The following CENPE variants were observed in gnomAD, a reference collection of about 807,000 sequenced individuals.
The protein encoded by CENPE is centromere-associated protein E.
In CENPE, 145 loss-of-function variants were observed where a neutral mutation model predicts 336.1. That is an observed-to-expected ratio of 0.43 (90% CI 0.38 to 0.50). CENPE has a LOEUF of 0.50. Ranked by LOEUF, CENPE falls within the 20% of genes least tolerant of loss-of-function variation. The pLI is 0.00. For missense variants in CENPE, 2,719 were observed against 3,023.3 expected, an observed-to-expected ratio of 0.90 and a Z score of 2.36; for synonymous variants, 1,013 against 984.8, an observed-to-expected ratio of 1.03 and a Z score of -0.54.
intron 24 of CENPE, among the ~76,000 whole-genome samples, chr4:103,154,065 A>G (rs970199854): frequency 6.6e-6 from 1 of 152,148 alleles, no homozygotes; most frequent in African/African-American, 2.4e-5. Context: ...TGAAATTACT[A>G]TTGCTGGTAC....
intron 39 of CENPE, among the ~76,000 whole-genome samples, chr4:103,138,048 C>G (rs528743638): frequency 6.6e-6 from 1 of 152,302 alleles, no homozygotes; most frequent in Admixed American, 6.5e-5. Flanking sequence ...ACTTTGTACT[C>G]GCTGTTCCCT....
At chr4:103,185,304 T>C (rs1381423158) in intron 9 of CENPE, among the ~76,000 whole-genome samples, 4 of 142,010 alleles carry the variant, frequency 2.8e-5, no homozygotes, top group Non-Finnish European at 6.1e-5. Flanking sequence ...GAGTCTGCCT[T>C]AGAAAAAAAA....
rs1407167443 is a variant in CENPE, at chr4:103,158,765, C to T, written c.2723G>A (p.Arg908Lys). The change falls in exon 23 of 49, where the codon AGG becomes AAG. Residue 908 changes from arginine to lysine, a missense_variant. Arg to Lys is a conservative substitution (Grantham distance 26). Coordinates refer to ENST00000265148, the MANE Select transcript of CENPE (RefSeq NM_001813.3). Reference protein sequence around the residue: ...NRDSTLQTVEREKTLITEKLQ... With the variant: ...NRDSTLQTVEKEKTLITEKLQ... The stretch of plus-strand genomic sequence containing the variant: ...TTTCTCAGTAATCAGTGTTTTCTCC[C>T]TTTCTACAGTTTGCAGCGTAGAATC... The T allele has an allele frequency of 6.2e-7, 1 of 1,613,086 alleles. No homozygotes were observed. Among genetic ancestry groups the T allele is most frequent in the Non-Finnish European group, 8.5e-7 (1 of 1,179,498 alleles).
rs746793219 is a variant in CENPE, at chr4:103,133,816, T to C, written c.6599A>G (p.Asp2200Gly). The change falls in exon 41 of 49, where the codon GAT becomes GGT. Residue 2200 changes from aspartate (D) to glycine (G), a missense_variant. By Grantham distance (94) the Asp-to-Gly change is moderately conservative. Around this residue, in one of 5 missense-constraint regions of CENPE, gnomAD observed 2,437 missense variants for 2,513.3 expected, o/e 0.97. Transcript: ENST00000265148. ...CAATTCCTTTTGCTTTTCCACTTCA[T>C]CAATAAAATCCATTTCAAATTTATT... is the stretch of plus-strand genomic sequence containing the variant. ...SINKFEMDFI[D>G]EVEKQKELLI... The C allele has an allele frequency of 6.2e-7, 1 of 1,605,510 alleles. No individual in the cohort carries two copies. Among genetic ancestry groups the C allele is most frequent in the Non-Finnish European group, 8.5e-7 (1 of 1,173,434 alleles).
intron 13 of CENPE, 76 bp downstream of exon 13, chr4:103,180,235 A>T: frequency 7.7e-7 from 1 of 1,305,356 alleles, no homozygotes; most frequent in Non-Finnish European, 1.1e-6. Flanking sequence ...GAAAGTGCAT[A>T]CTATATAATA....
rs542680383 is a variant in CENPE, at chr4:103,122,917, T to C, written c.7097A>G (p.Asn2366Ser). The C allele has an allele frequency of 2.5e-6, 4 of 1,613,860 alleles. No individual in the cohort carries two copies. The highest frequency in any genetic ancestry group is 4.5e-5 in the East Asian group (2 of 44,842). ...TCTTGATGTAACATGAGGATTCTTA[T>C]TGTCTTGTGTGGTAGGATTAACCTG... The part of the protein sequence containing the change: ...GAQVNPTTQD[N>S]KNPHVTSRAT... Residue 2366 changes from asparagine (N) to serine (S), a missense_variant, in exon 43 of 49, where the codon AAT (asparagine) becomes AGT (serine). By Grantham distance (46) the Asn-to-Ser change is conservative. This residue lies in a region of CENPE where 2,437 missense variants were observed against 2,513.3 expected (regional missense o/e 0.97). Coordinates refer to ENST00000265148, the MANE Select transcript of CENPE (RefSeq NM_001813.3).
At chr4:103,164,362 A>G (rs1023388011) in intron 16 of CENPE, among the ~76,000 whole-genome samples, 1 of 152,088 alleles carries the variant, frequency 6.6e-6, no homozygotes, top group Non-Finnish European at 1.5e-5. Flanking sequence ...ACAGAGTAAA[A>G]GCAAATTCTA....
In CENPE at chr4:103,195,911, G is replaced by A; in HGVS notation, c.357+9C>T. 10 of 1,546,732 alleles carry A rather than the reference G, an allele frequency of 6.5e-6. No individual in the cohort carries two copies. The highest frequency in any genetic ancestry group is 1.7e-4 in the Middle Eastern group (1 of 5,844). ...CTGTACGTACTAGAAATCCAGTTAA[G>A]TTACTTACCTTCTTAATTTTTTGGA... On this transcript the variant is annotated intron_variant, in intron 4 of 48. Transcript: ENST00000265148.
At chr4:103,179,331 T>C (rs1578669455) in intron 13 of CENPE, among the ~76,000 whole-genome samples, 1 of 152,216 alleles carries the variant, frequency 6.6e-6, no homozygotes, top group South Asian at 2.1e-4. Context: ...TCTTTGTTGT[T>C]AGCAAAACAT....
intron 33 of CENPE, among the ~76,000 whole-genome samples, chr4:103,144,037 C>A (rs563130988): frequency 3.3e-5 from 5 of 151,934 alleles, no homozygotes; most frequent in African/African-American, 1.2e-4. Flanking sequence ...CCTGGGTTCA[C>A]GCCATTCTCC....
chr4:103,170,223 T>C (rs913948346), intron 16 of CENPE, among the ~76,000 whole-genome samples: 2 of 152,112 alleles, frequency 1.3e-5, no homozygotes, highest in African/African-American at 4.8e-5. Context: ...ACATGGCACA[T>C]GTATACCTAT....
At position 103,151,302 on chromosome 4, in the gene CENPE, T is replaced by C. The variant is rs1753538734; in HGVS notation, c.3313A>G (p.Lys1105Glu). 2 of 1,606,896 alleles carry C rather than the reference T, an allele frequency of 1.2e-6. No individual in the cohort carries two copies. The highest frequency in any genetic ancestry group is 1.7e-6 in the Non-Finnish European group (2 of 1,178,514). Residue 1105 changes from lysine (K) to glutamate (E), a missense_variant, in exon 26 of 49, where the codon AAG (lysine) becomes GAG (glutamate). Lys to Glu is a moderately conservative substitution (Grantham distance 56). This residue lies in a region of CENPE where 2,437 missense variants were observed against 2,513.3 expected (regional missense o/e 0.97). Transcript: ENST00000265148. The stretch of plus-strand genomic sequence containing the variant: ...CCTTCTTTCTTTATGGCATGGTTCT[T>C]TTCTTGTGCAACTATCTCTTGTTGC... ...KKQQEIVAQE[K>E]NHAIKKEGEL...
intron 45 of CENPE, among the ~76,000 whole-genome samples, chr4:103,115,592 T>A (rs904365442): frequency 6.6e-6 from 1 of 152,202 alleles, no homozygotes; most frequent in East Asian, 1.9e-4. Flanking sequence ...AAGATTTATA[T>A]AGGAAGAATG....
chr4:103,171,773 G>T (rs772547887), intron 16 of CENPE, among the ~76,000 whole-genome samples: 7 of 149,574 alleles, frequency 4.7e-5, no homozygotes, highest in Non-Finnish European at 1.0e-4. Context: ...AAAGACAGTC[G>T]ACTCAAATAA....
Position 103,140,055 on chromosome 4 carries a change from G to A in CENPE, c.5938C>T (p.Leu1980Phe), listed in dbSNP as rs1242551184. The A allele has an allele frequency of 1.2e-6, 2 of 1,603,844 alleles. No individual in the cohort carries two copies. Among genetic ancestry groups the A allele is most frequent in the Admixed American group, 1.7e-5 (1 of 58,062 alleles). The stretch of plus-strand genomic sequence containing the variant: ...TCTTCTTTCACTCTAAGCAGTTGAA[G>A]TTCTTTTTTCTGAAGTTCTTGGATC... ...KKIQELQKKE[L>F]QLLRVKEDVN... Residue 1980 changes from leucine (L) to phenylalanine (F), a missense_variant, in exon 38 of 49, where the codon CTT becomes TTT. Around this residue, in one of 5 missense-constraint regions of CENPE, gnomAD observed 2,437 missense variants for 2,513.3 expected, o/e 0.97. Transcript: ENST00000265148.
At chr4:103,176,808 G>T (rs573678627) in intron 14 of CENPE, 91 bp downstream of exon 14, 9 of 936,530 alleles carry the variant, frequency 9.6e-6, no homozygotes, top group African/African-American at 3.3e-5. Context: ...ATTTAAACAT[G>T]TTTATCACAT....
intron 16 of CENPE, among the ~76,000 whole-genome samples, chr4:103,170,365 CA>C (rs960611223): frequency 6.6e-6 from 1 of 152,074 alleles, no homozygotes; most frequent in African/African-American, 2.4e-5. Context: ...TGAAGGAAAA[CA>C]GTTGTAACAT....
At chr4:103,190,015 C>A (rs1375225477) in intron 8 of CENPE, among the ~76,000 whole-genome samples, 2 of 152,042 alleles carry the variant, frequency 1.3e-5, no homozygotes, top group African/African-American at 4.8e-5. Context: ...AACAGAGAGA[C>A]AAATCATGAG....
intron 16 of CENPE, among the ~76,000 whole-genome samples, chr4:103,163,793 A>G (rs923364108): frequency 6.6e-6 from 1 of 151,866 alleles, no homozygotes; most frequent in Admixed American, 6.6e-5. Context: ...CCTCAGCATG[A>G]CCCCACCAAG....
Sources: allele counts gnomAD v4.1 joint callset (sites outside exome capture counted in the v4.1 genomes callset), GRCh38; gene constraint gnomAD v4.1.1; regional missense constraint gnomAD v4.1.1; transcripts MANE v1.5; gene names NCBI Gene and HGNC (gene_info 2026-07-23, HGNC 2026-07-21).